BRIP1: variants seen among roughly 807,000 people sequenced by gnomAD.
BRIP1 encodes the protein Fanconi anemia group J protein.
In BRIP1, 88 loss-of-function variants were observed where a neutral mutation model predicts 119.7. That is an observed-to-expected ratio of 0.74 (90% CI 0.62 to 0.88). BRIP1 has a LOEUF of 0.88. Ranked by LOEUF, BRIP1 falls within the 40% of genes least tolerant of loss-of-function variation. BRIP1 has a pLI of 0.00. For synonymous variants in BRIP1, 443 were observed against 496.5 expected (o/e 0.89, Z 1.43); for missense variants, 1,259 against 1,455.4 (o/e 0.87, Z 2.20).
In BRIP1 at chr17:61,778,625, A is replaced by G. The variant is rs1424729144; in HGVS notation, c.1935+1636T>C. ...GACTTTTGTGCAGTAGGCTGAGAAC[A>G]TAGAGCCTGTAATAACATTCTTATG... On this transcript the variant is annotated intron_variant, in intron 13 of 19. Transcript: ENST00000259008. The surrounding 1 kb of genome is among the most constrained non-coding windows in gnomAD (Gnocchi z 4.4). Among the ~76,000 whole-genome samples, 1 of 152,250 alleles carries G rather than the reference A, an allele frequency of 6.6e-6. No individual in the cohort carries two copies. The highest frequency in any genetic ancestry group is 1.5e-5 in the Non-Finnish European group (1 of 68,044).
chr17:61,696,855 G>A (rs988322075), intron 17 of BRIP1, among the ~76,000 whole-genome samples: 3 of 150,438 alleles, frequency 2.0e-5, no homozygotes, highest in Non-Finnish European at 4.4e-5. Context: ...TGTGGTGGCG[G>A]GCACCTGTAG....
intron 16 of BRIP1, among the ~76,000 whole-genome samples, chr17:61,732,144 C>A (rs1367576662): frequency 6.6e-6 from 1 of 151,676 alleles, no homozygotes. Context: ...TCACACCCAG[C>A]TAATTTGTGT....
chr17:61,736,652 T>C lies in BRIP1; in HGVS notation c.2379+6361A>G, dbSNP rs1367439818. ...TTTAAAAACAAATAACAAAGTCAAA[T>C]ACAATTTTAACAACTTCTACTAAAA... On this transcript the variant is annotated intron_variant, in intron 16 of 19. Coordinates refer to ENST00000259008, the MANE Select transcript of BRIP1 (RefSeq NM_032043.3). The surrounding 1 kb of genome is among the most constrained non-coding windows in gnomAD (Gnocchi z 4.4). 6.6e-6 allele frequency among the ~76,000 whole-genome samples: 1 copy of C among 152,146 alleles called. No individual in the cohort carries two copies. The highest frequency in any genetic ancestry group is 2.4e-5 in the African/African-American group (1 of 41,444).
intron 3 of BRIP1, among the ~76,000 whole-genome samples, chr17:61,858,375 GTT>G (rs573831950): frequency 2.8e-5 from 4 of 141,788 alleles, no homozygotes; most frequent in Admixed American, 7.1e-5. Flanking sequence ...AGTATTTACT[GTT>G]TTTTTTTTTT....
Position 61,851,543 on chromosome 17 carries a change from G to A in BRIP1, c.380-2287C>T, listed in dbSNP as rs536346098. On this transcript the variant is annotated intron_variant, in intron 4 of 19. Transcript: ENST00000259008. The surrounding 1 kb of genome is among the most constrained non-coding windows in gnomAD (Gnocchi z 4.6). ...CTTCCTTTCCCCTACAAGCTGTAGG[G>A]GCACTTCTATAAAAATATCAAGTTT... is the stretch of plus-strand genomic sequence containing the variant. Among the ~76,000 whole-genome samples the A allele has an allele frequency of 2.6e-5, 4 of 152,088 alleles. No homozygotes were observed. The East Asian group carries it at 7.7e-4, about 29-fold the overall frequency.
intron 10 of BRIP1, among the ~76,000 whole-genome samples, chr17:61,791,781 G>C (rs1443402012): frequency 1.3e-5 from 2 of 152,084 alleles, no homozygotes; most frequent in Non-Finnish European, 2.9e-5. Flanking sequence ...TGAGAATATA[G>C]TGAGTGATTA....
Position 61,703,604 on chromosome 17 carries a change from A to T in BRIP1, c.2493-10092T>A, listed in dbSNP as rs1486560293. On this transcript the variant is annotated intron_variant, in intron 17 of 19. Transcript: ENST00000259008. The surrounding 1 kb of genome is among the most constrained non-coding windows in gnomAD (Gnocchi z 5.0). ...TCTGTGGTTTGTCTTTACTCTGCTGATAGTTTCTTTTGCTGTGCAGAAGCT... is the reference window on the plus strand; with the variant it reads ...TCTGTGGTTTGTCTTTACTCTGCTGTTAGTTTCTTTTGCTGTGCAGAAGCT... 1.3e-5 allele frequency among the ~76,000 whole-genome samples: 2 copies of T among 152,130 alleles called. No individual in the cohort carries two copies. The highest frequency in any genetic ancestry group is 4.8e-5 in the African/African-American group (2 of 41,448).
intron 14 of BRIP1, among the ~76,000 whole-genome samples, chr17:61,771,955 C>T (rs887840498): frequency 6.6e-6 from 1 of 151,500 alleles, no homozygotes; most frequent in Non-Finnish European, 1.5e-5. Context: ...GAGTGAGACT[C>T]CATCTCAAAA....
In BRIP1 at chr17:61,769,040, T is replaced by G. The variant is rs1290955803; in HGVS notation, c.2097+7361A>C. On this transcript the variant is annotated intron_variant, in intron 14 of 19. Coordinates refer to ENST00000259008, the MANE Select transcript of BRIP1 (RefSeq NM_032043.3). This position sits in a 1 kb window ranked among gnomAD's most constrained non-coding sequence, Gnocchi z 4.9. ...AACCTTTAAGACCTAAGAGTCATCC[T>G]TAGCCAACAGCCCGCAAAAGACTGG... Among the ~76,000 whole-genome samples the G allele has an allele frequency of 6.6e-6, 1 of 152,202 alleles. No individual in the cohort carries two copies. Among genetic ancestry groups the G allele is most frequent in the Non-Finnish European group, 1.5e-5 (1 of 68,034 alleles).
intron 18 of BRIP1, among the ~76,000 whole-genome samples, chr17:61,692,450 A>G (rs1047106982): frequency 6.6e-6 from 1 of 152,152 alleles, no homozygotes; most frequent in African/African-American, 2.4e-5. Flanking sequence ...AGAAACTCCT[A>G]TATCTCAATA....
chr17:61,783,607 ATAATT>A (rs1034558337), intron 11 of BRIP1, among the ~76,000 whole-genome samples: 7 of 152,098 alleles, frequency 4.6e-5, no homozygotes, highest in Non-Finnish European at 1.0e-4. Flanking sequence ...AGGTACTACT[ATAATT>A]TAAGTTACAG....
chr17:61,774,198 A>G lies in BRIP1; in HGVS notation c.2097+2203T>C, dbSNP rs1345820630. Among the ~76,000 whole-genome samples, 2 of 152,174 alleles carry G rather than the reference A, an allele frequency of 1.3e-5. No individual in the cohort carries two copies. Among genetic ancestry groups the G allele is most frequent in the African/African-American group, 4.8e-5 (2 of 41,438 alleles). Reference sequence around the variant, plus strand: ...TTGGAACCAACCCAAATGTCCATCAATGATAGACTGGATTAAGAAAATGTG... The same window carrying G: ...TTGGAACCAACCCAAATGTCCATCAGTGATAGACTGGATTAAGAAAATGTG... On this transcript the variant is annotated intron_variant, in intron 14 of 19. Transcript: ENST00000259008. The surrounding 1 kb of genome is among the most constrained non-coding windows in gnomAD (Gnocchi z 5.8).
At position 61,860,084 on chromosome 17, in the gene BRIP1, C is replaced by A. The variant is rs568398917; in HGVS notation, c.94-177G>T. ...AAACTGTATTCCTTTACACCTCTCC[C>A]TAAGATTATCTTACTAAAATATCAA... On this transcript the variant is annotated intron_variant, in intron 2 of 19. Transcript: ENST00000259008. This position sits in a 1 kb window ranked among gnomAD's most constrained non-coding sequence, Gnocchi z 4.1. Among the ~76,000 whole-genome samples, 1 of 152,166 alleles carries A rather than the reference C, an allele frequency of 6.6e-6. No individual in the cohort carries two copies. Among genetic ancestry groups the A allele is most frequent in the Non-Finnish European group, 1.5e-5 (1 of 68,018 alleles).
rs766393094 is a variant in BRIP1, at chr17:61,762,313, G to C, written c.2097+14088C>G. On this transcript the variant is annotated intron_variant, in intron 14 of 19. Coordinates refer to ENST00000259008, the MANE Select transcript of BRIP1 (RefSeq NM_032043.3). This position sits in a 1 kb window ranked among gnomAD's most constrained non-coding sequence, Gnocchi z 4.3. Reference sequence around the variant, plus strand: ...AAAACTACTAGAAGAAAACAGAGGGGGGAAAACTACATAACATTGGTTTAG... The same window carrying C: ...AAAACTACTAGAAGAAAACAGAGGGCGGAAAACTACATAACATTGGTTTAG... 2.6e-4 allele frequency among the ~76,000 whole-genome samples: 39 copies of C among 152,076 alleles called. No homozygotes were observed. Among genetic ancestry groups the C allele is most frequent in the South Asian group, 6.2e-4 (3 of 4,818 alleles).
chr17:61,711,776 G>C (rs2061778724), intron 17 of BRIP1, among the ~76,000 whole-genome samples: 1 of 152,040 alleles, frequency 6.6e-6, no homozygotes, highest in African/African-American at 2.4e-5. Flanking sequence ...GTTGAGGTAG[G>C]AGAATCGCTT....
rs1339122958 is a variant in BRIP1, at chr17:61,845,818, G to A, written c.627+1283C>T. Among the ~76,000 whole-genome samples, 1 of 152,098 alleles carries A rather than the reference G, an allele frequency of 6.6e-6. No homozygotes were observed. Among genetic ancestry groups the A allele is most frequent in the Non-Finnish European group, 1.5e-5 (1 of 68,026 alleles). On this transcript the variant is annotated intron_variant, in intron 6 of 19. Coordinates refer to ENST00000259008, the MANE Select transcript of BRIP1 (RefSeq NM_032043.3). The surrounding 1 kb of genome is among the most constrained non-coding windows in gnomAD (Gnocchi z 4.2). ...CAGACAGAATGTTAAAAACCTAAACGGCTGAGATTAAATAAAATTAGTAAT... is the reference window on the plus strand; with the variant it reads ...CAGACAGAATGTTAAAAACCTAAACAGCTGAGATTAAATAAAATTAGTAAT...
rs765416041 is a variant in BRIP1, at chr17:61,683,946, G to A, written c.3100C>T (p.Pro1034Ser). 2.5e-6 allele frequency: 4 copies of A among 1,614,164 alleles called. No homozygotes were observed. The highest frequency in any genetic ancestry group is 3.4e-6 in the Non-Finnish European group (4 of 1,180,028). Residue 1034 changes from proline (P) to serine (S), a missense_variant, in exon 20 of 20, where the codon CCC becomes TCC. Pro to Ser is a moderately conservative substitution (Grantham distance 74, BLOSUM62 -1). Transcript: ENST00000259008. The surrounding 1 kb of genome is among the most constrained non-coding windows in gnomAD (Gnocchi z 4.7). Reference protein sequence around the residue: ...GSSENSASSPPRFKTEKMESK... With the variant: ...GSSENSASSPSRFKTEKMESK... ...TCCATCTTCTCTGTTTTGAAACGGGGAGGACTAGAGGCACTATTCTCTGAT... is the reference window on the plus strand; with the variant it reads ...TCCATCTTCTCTGTTTTGAAACGGGAAGGACTAGAGGCACTATTCTCTGAT...
intron 16 of BRIP1, among the ~76,000 whole-genome samples, chr17:61,731,981 CTTTTTTTTTTTT>C (rs71299809): frequency 3.6e-5 from 3 of 83,008 alleles, no homozygotes; most frequent in African/African-American, 1.6e-4. Context: ...TTCTTTCTTT[CTTTTTTTTTTTT>C]TTTTTTTTTT....
intron 14 of BRIP1, among the ~76,000 whole-genome samples, chr17:61,763,157 T>C (rs944692287): frequency 6.6e-6 from 1 of 152,128 alleles, no homozygotes; most frequent in Non-Finnish European, 1.5e-5. Flanking sequence ...AGTGTAATAG[T>C]GTATTTGCCG....
Sources: allele counts gnomAD v4.1 joint callset (sites outside exome capture counted in the v4.1 genomes callset), GRCh38; gene constraint gnomAD v4.1.1; non-coding constraint Gnocchi (gnomAD v3.1); transcripts MANE v1.5; gene names NCBI Gene and HGNC (gene_info 2026-07-23, HGNC 2026-07-21).